BYSL: variants seen among roughly 807,000 people sequenced by gnomAD.
BYSL encodes the protein bystin like, also known as bystin.
Under a neutral mutation model 45.4 loss-of-function variants are expected in BYSL, and 21 were observed. The ratio of observed to expected loss-of-function variants is 0.46; its 90% CI spans 0.33 to 0.67. The LOEUF (loss-of-function observed/expected upper bound fraction) is 0.67. Ranked by LOEUF, BYSL falls within the 30% of genes least tolerant of loss-of-function variation. BYSL has a pLI of 0.02. For synonymous variants in BYSL, 215 were observed against 231.3 expected (o/e 0.93, Z 0.64); for missense variants, 522 against 578.5 (o/e 0.90, Z 1.00).
At chr6:41,929,325 C>T (rs1775604755) in intron 2 of BYSL, among the ~76,000 whole-genome samples, 1 of 152,108 alleles carries the variant, frequency 6.6e-6, no homozygotes, top group Admixed American at 6.5e-5. Flanking sequence ...TGGGGAGACC[C>T]CATCTCTACA....
At chr6:41,928,161 A>C (rs991254019) in intron 2 of BYSL, among the ~76,000 whole-genome samples, 4 of 152,212 alleles carry the variant, frequency 2.6e-5, no homozygotes, top group African/African-American at 9.7e-5. Context: ...GCTCCAAAAC[A>C]TGCAGGCATT....
the BYSL span, chr6:41,912,968 G>A: frequency 6.6e-6 from 1 of 152,060 alleles, no homozygotes; most frequent in Non-Finnish European, 1.5e-5. Context: ...AAGTTAGCCA[G>A]GTATAGTGGC....
chr6:41,909,406 C>A, the BYSL span: 1 of 1,614,218 alleles, frequency 6.2e-7, no homozygotes. Flanking sequence ...TTGAGCTTCA[C>A]CATAAGCACA....
At chr6:41,913,760 T>C in the BYSL span, among the ~76,000 whole-genome samples, 1 of 152,046 alleles carries the variant, frequency 6.6e-6, no homozygotes, top group African/African-American at 2.4e-5. Flanking sequence ...GAGCCAGGCG[T>C]GGTGGAGCGC....
intron 3 of BYSL, 98 bp from the exon 4 acceptor site, chr6:41,930,537 A>G: frequency 1.4e-6 from 2 of 1,437,594 alleles, no homozygotes; most frequent in Non-Finnish European, 9.4e-7. Flanking sequence ...TGGGGATGCA[A>G]TGAGTTAATA....
Position 41,921,766 on chromosome 6 carries a change from A to G in BYSL, c.204A>G (p.Glu68=), listed in dbSNP as rs770952715. 4 of 1,613,066 alleles carry G rather than the reference A, an allele frequency of 2.5e-6. No individual in the cohort carries two copies. The highest frequency in any genetic ancestry group is 3.4e-6 in the Non-Finnish European group (4 of 1,179,798). The part of the protein sequence containing the change: ...ILQQARQQQE[E]LEAEHGTGDK... ...AGCAAGCACGGCAGCAACAGGAGGA[A>G]CTCGAGGCCGAGCATGGGACTGGGG... Residue 68 remains glutamate, a synonymous_variant, in exon 1 of 7, where the codon GAA becomes GAG. Coordinates refer to ENST00000230340, the MANE Select transcript of BYSL (RefSeq NM_004053.4).
upstream of BYSL, chr6:41,921,155 C>A: frequency 8.8e-7 from 1 of 1,141,620 alleles, no homozygotes; most frequent in Non-Finnish European, 1.2e-6. Flanking sequence ...AACAGAGCGC[C>A]GGGTCCACGC....
intron 3 of BYSL, 33 bp downstream of exon 3, chr6:41,930,303 C>T: frequency 6.2e-7 from 1 of 1,606,980 alleles, no homozygotes. Flanking sequence ...TGGTGGAAGA[C>T]CCCTTTGGGG....
chr6:41,920,783 C>CAA (rs1416740216), upstream of BYSL: 3 of 501,070 alleles, frequency 6.0e-6, no homozygotes, highest in East Asian at 3.6e-5. Context: ...AAAAACAAAA[C>CAA]AAAACAAAAA....
chr6:41,917,588 G>C, upstream of BYSL: 2 of 356,220 alleles, frequency 5.6e-6, no homozygotes, highest in Non-Finnish European at 1.1e-5. Context: ...AAGAACTGGA[G>C]CACAGTTCTC....
intron 2 of BYSL, among the ~76,000 whole-genome samples, chr6:41,929,088 G>T (rs1482730483): frequency 6.6e-6 from 1 of 152,122 alleles, no homozygotes; most frequent in African/African-American, 2.4e-5. Flanking sequence ...TATTAGTAGA[G>T]ACAGGGTTTC....
upstream of BYSL, among the ~76,000 whole-genome samples, chr6:41,920,406 C>A (rs1446152899): frequency 6.6e-6 from 1 of 152,172 alleles, no homozygotes; most frequent in Non-Finnish European, 1.5e-5. Context: ...TTATGGCCCA[C>A]TCCCTCCAAC....
chr6:41,921,247 T>G (rs1323979839), upstream of BYSL: 12 of 648,286 alleles, frequency 1.9e-5, no homozygotes, highest in Non-Finnish European at 3.1e-5. Context: ...GCCCCGAGGT[T>G]TCTAAATCCA....
chr6:41,929,132 C>T (rs908996461), intron 2 of BYSL, among the ~76,000 whole-genome samples: 7 of 152,118 alleles, frequency 4.6e-5, no homozygotes, highest in Admixed American at 2.6e-4. Context: ...AAACTCCTGA[C>T]CTCACGTGAT....
the BYSL span, chr6:41,909,476 T>C: frequency 1.2e-6 from 2 of 1,614,270 alleles, no homozygotes; most frequent in South Asian, 1.1e-5. Context: ...AACAGCTCAA[T>C]GGGTACTCTG....
At chr6:41,913,714 A>G in the BYSL span, among the ~76,000 whole-genome samples, 1 of 152,294 alleles carries the variant, frequency 6.6e-6, no homozygotes, top group African/African-American at 2.4e-5. Flanking sequence ...CCTGGCCAAC[A>G]TGGTGAAACC....
At chr6:41,918,953 CAA>C (rs36153208), upstream of BYSL, among the ~76,000 whole-genome samples, 2 of 76,202 alleles carry the variant, frequency 2.6e-5, no homozygotes, top group Non-Finnish European at 2.6e-5. Flanking sequence ...GACTCCGTCT[CAA>C]AAAAAAAAAA....
intron 1 of BYSL, among the ~76,000 whole-genome samples, chr6:41,925,457 G>T (rs1053193788): frequency 6.7e-5 from 10 of 149,716 alleles, no homozygotes; most frequent in Non-Finnish European, 4.4e-5. Flanking sequence ...TCCGCCTCCC[G>T]GGTTCACACC....
At chr6:41,920,371 T>C (rs1775428823), upstream of BYSL, among the ~76,000 whole-genome samples, 1 of 152,096 alleles carries the variant, frequency 6.6e-6, no homozygotes, top group Non-Finnish European at 1.5e-5. Context: ...GGCGAAAATC[T>C]TAAAAAATAC....
Sources: gnomAD v4.1 joint callset for allele counts (sites outside exome capture counted in the v4.1 genomes callset) on GRCh38, gnomAD v4.1.1 for gene constraint, MANE v1.5 for transcripts, NCBI Gene and HGNC (gene_info 2026-07-23, HGNC 2026-07-21) for gene names.